PRKAA2: variants seen among roughly 807,000 people sequenced by gnomAD.
The protein encoded by PRKAA2 is protein kinase AMP-activated catalytic subunit alpha 2, also known as 5'-AMP-activated protein kinase catalytic subunit alpha-2.
Under a neutral mutation model 56.3 loss-of-function variants are expected in PRKAA2, and 40 were observed. The ratio of observed to expected loss-of-function variants is 0.71; its 90% confidence interval spans 0.55 to 0.92. The LOEUF is 0.92. Among genes scored for constraint, PRKAA2 ranks in the 40% least tolerant of loss-of-function variants. The pLI, the probability that PRKAA2 is intolerant of heterozygous loss-of-function variation, is 0.00. For missense variants in PRKAA2, 542 were observed against 686.9 expected, an observed-to-expected ratio of 0.79 and a Z score of 2.36; for synonymous variants, 214 against 234.2, an observed-to-expected ratio of 0.91 and a Z score of 0.79.
chr1:56,683,686 G>A (rs1023511623), intron 2 of PRKAA2, among the ~76,000 whole-genome samples: 18 of 152,150 alleles, frequency 1.2e-4, no homozygotes, highest in South Asian at 6.2e-4. Context: ...GTGAAGAGGT[G>A]AGGGGATATG....
At chr1:56,657,448 C>A (rs1023179643) in intron 1 of PRKAA2, among the ~76,000 whole-genome samples, 1 of 152,078 alleles carries the variant, frequency 6.6e-6, no homozygotes, top group Non-Finnish European at 1.5e-5. Context: ...GAGGCCAAGG[C>A]GGGGATCACC....
At chr1:56,696,272 C>T in intron 6 of PRKAA2, 113 bp downstream of exon 6, 1 of 900,478 alleles carries the variant, frequency 1.1e-6, no homozygotes, top group Admixed American at 2.5e-5. Context: ...CCCCAGTACT[C>T]ATGCTTCAGC....
At chr1:56,663,679 C>T (rs78495769) in intron 1 of PRKAA2, among the ~76,000 whole-genome samples, 2,988 of 152,268 alleles carry the variant, frequency 0.02, 111 homozygotes, top group African/African-American at 0.068. Flanking sequence ...CAAACTAAAT[C>T]GATTGACATG....
intron 1 of PRKAA2, among the ~76,000 whole-genome samples, chr1:56,668,009 G>A (rs1644047531): frequency 6.6e-6 from 1 of 151,956 alleles, no homozygotes; most frequent in Non-Finnish European, 1.5e-5. Flanking sequence ...ACAATGGTAG[G>A]CTTGATTTTA....
rs1644346530 is a variant in PRKAA2 at position 56,708,346 on chromosome 1, C to T, written c.*633C>T. ...TCAGGTTTCTTAAAAACAGCTGTAA[C>T]TAACTCAGGATTTTTATCTTGAGAT... On this transcript the variant is annotated 3_prime_UTR_variant, in exon 9 of 9. Transcript: ENST00000371244. 1 of 152,128 alleles carries T rather than the reference C, an allele frequency of 6.6e-6. No individual in the cohort carries two copies. The highest frequency in any genetic ancestry group is 1.5e-5 in the Non-Finnish European group (1 of 68,038). 9.4% of individuals were successfully genotyped at this position (152,128 alleles called of 1,614,324 possible).
At chr1:56,673,598 A>G (rs1019259457) in intron 1 of PRKAA2, among the ~76,000 whole-genome samples, 2 of 152,216 alleles carry the variant, frequency 1.3e-5, no homozygotes, top group African/African-American at 4.8e-5. Context: ...TATCACTGTT[A>G]GTGTGGATGC....
chr1:56,703,871 C>T, intron 6 of PRKAA2, 100 bp from the exon 7 acceptor site: 1 of 1,342,598 alleles, frequency 7.4e-7, no homozygotes, highest in Non-Finnish European at 1.0e-6. Context: ...GGTCTAGAGA[C>T]CAGATCTTTT....
intron 1 of PRKAA2, among the ~76,000 whole-genome samples, chr1:56,662,367 G>T (rs532491339): frequency 2.6e-5 from 4 of 151,562 alleles, no homozygotes; most frequent in Non-Finnish European, 4.4e-5. Context: ...TGGAAAAATG[G>T]AATTAAAAGA....
intron 2 of PRKAA2, among the ~76,000 whole-genome samples, chr1:56,676,675 C>G (rs149631531): frequency 3.3e-5 from 5 of 152,152 alleles, no homozygotes; most frequent in Non-Finnish European, 5.9e-5. Flanking sequence ...AATGGCTGGT[C>G]CAATTATTGT....
At position 56,708,470 on chromosome 1, in the gene PRKAA2, G is replaced by A. The variant is rs41285008; in HGVS notation, c.*757G>A. 5 of 152,232 alleles carry A rather than the reference G, an allele frequency of 3.3e-5. No individual in the cohort carries two copies. Among genetic ancestry groups the A allele is most frequent in the African/African-American group, 4.8e-5 (2 of 41,538 alleles). The allele number at this position is 152,232 out of a possible 1,614,324, so 9.4% of individuals were successfully genotyped here. A position where few individuals can be genotyped will look rare whatever the true frequency, so the allele number is the denominator to read the frequency against. On this transcript the variant is annotated 3_prime_UTR_variant, in exon 9 of 9. Transcript: ENST00000371244. ...ACTTTTGTCTTTTACATAAACTTACGTCATTTAAAAAATGTCTTCAAAATC... is the reference window on the plus strand; with the variant it reads ...ACTTTTGTCTTTTACATAAACTTACATCATTTAAAAAATGTCTTCAAAATC...
Position 56,715,000 on chromosome 1 carries a change from G to T in PRKAA2, c.*7287G>T, listed in dbSNP as rs554270897. ...AAATTTTTTTTAATTGTTGAAATTGGGACCACTTTTTATAATTGGTTTCAA... is the reference window on the plus strand; with the variant it reads ...AAATTTTTTTTAATTGTTGAAATTGTGACCACTTTTTATAATTGGTTTCAA... On this transcript the variant is annotated 3_prime_UTR_variant, in exon 9 of 9. Transcript: ENST00000371244. The T allele has an allele frequency of 6.7e-6, 1 of 149,000 alleles. No individual in the cohort carries two copies. The highest frequency in any genetic ancestry group is 7.0e-5 in the Admixed American group (1 of 14,366). The allele number at this position is 149,000 out of a possible 1,614,324, so 9.2% of individuals were successfully genotyped here.
intron 2 of PRKAA2, among the ~76,000 whole-genome samples, chr1:56,679,864 T>A (rs973006980): frequency 1.3e-5 from 2 of 152,128 alleles, no homozygotes; most frequent in African/African-American, 4.8e-5. Context: ...GTCTACTCAA[T>A]ATGAAGATGA....
rs1025034859 is a variant in PRKAA2 at position 56,712,059 on chromosome 1, A to G, written c.*4346A>G. The G allele has an allele frequency of 2.6e-5, 4 of 152,152 alleles. No individual in the cohort carries two copies. Among genetic ancestry groups the G allele is most frequent in the African/African-American group, 7.2e-5 (3 of 41,454 alleles). 9.4% of individuals were successfully genotyped at this position (152,152 alleles called of 1,614,324 possible). A position where few individuals can be genotyped will look rare whatever the true frequency, so the allele number is the denominator to read the frequency against. On this transcript the variant is annotated 3_prime_UTR_variant, in exon 9 of 9. Transcript: ENST00000371244. ...TTGGAGTGATGAAAGTGTTCCATAT[A>G]TTTTTTATAGTGATTTTTCGATCTA... is the stretch of plus-strand genomic sequence containing the variant.
chr1:56,651,036 C>G (rs1180026114), intron 1 of PRKAA2, among the ~76,000 whole-genome samples: 1 of 152,194 alleles, frequency 6.6e-6, no homozygotes, highest in African/African-American at 2.4e-5. Flanking sequence ...CCTTGCTTGA[C>G]TTGTGTGCTA....
rs931670975 is a variant in PRKAA2, at chr1:56,714,323, T to C, written c.*6610T>C. The C allele has an allele frequency of 4.6e-5, 7 of 152,168 alleles. No individual in the cohort carries two copies. The highest frequency in any genetic ancestry group is 1.0e-4 in the Non-Finnish European group (7 of 68,014). 9.4% of individuals were successfully genotyped at this position (152,168 alleles called of 1,614,324 possible). ...AGTTTTTTGATTTACAAAATGTGGATAATAACCTACCTCACAGATGTGTGT... is the reference window on the plus strand; with the variant it reads ...AGTTTTTTGATTTACAAAATGTGGACAATAACCTACCTCACAGATGTGTGT... On this transcript the variant is annotated 3_prime_UTR_variant, in exon 9 of 9. Transcript: ENST00000371244.
rs996757695 is a variant in PRKAA2 at position 56,713,185 on chromosome 1, G to A, written c.*5472G>A. 5 of 152,094 alleles carry A rather than the reference G, an allele frequency of 3.3e-5. No homozygotes were observed. Among genetic ancestry groups the A allele is most frequent in the African/African-American group, 9.7e-5 (4 of 41,426 alleles). 9.4% of individuals were successfully genotyped at this position (152,094 alleles called of 1,614,324 possible). On this transcript the variant is annotated 3_prime_UTR_variant, in exon 9 of 9. Transcript: ENST00000371244. ...TAATTATGATGCATTTGATGCCACT[G>A]AACAGTAATAGCACAAAGAACAGGT...
At chr1:56,651,536 T>C (rs966575262) in intron 1 of PRKAA2, among the ~76,000 whole-genome samples, 1 of 152,196 alleles carries the variant, frequency 6.6e-6, no homozygotes, top group African/African-American at 2.4e-5. Context: ...CTCTATGGAC[T>C]GTAAAGTCAA....
In PRKAA2 at chr1:56,706,775, G is replaced by T. The variant is rs77009559; in HGVS notation, c.1420+557G>T. On this transcript the variant is annotated intron_variant, in intron 8 of 8. Transcript: ENST00000371244. ...CCAAATCTGATTATTCATTTCAGAG[G>T]CCCAAGTGGGATAAAACCAGAATAA... is the stretch of plus-strand genomic sequence containing the variant. Among the ~76,000 whole-genome samples the T allele has an allele frequency of 4.9e-3, 747 of 152,314 alleles. 2 individuals are homozygous for T. Among genetic ancestry groups the T allele is most frequent in the Non-Finnish European group, 7.8e-3 (529 of 68,028 alleles).
intron 1 of PRKAA2, among the ~76,000 whole-genome samples, chr1:56,658,726 A>G (rs560516092): frequency 6.7e-6 from 1 of 150,192 alleles, no homozygotes; most frequent in South Asian, 2.1e-4. Flanking sequence ...ATCCTCCGTG[A>G]TCCTCCTGCC....
Sources: gnomAD v4.1 joint callset for allele counts (sites outside exome capture counted in the v4.1 genomes callset) on GRCh38, gnomAD v4.1.1 for gene constraint, MANE v1.5 for transcripts, NCBI Gene and HGNC (gene_info 2026-07-23, HGNC 2026-07-21) for gene names.